The following FSTL5 variants were observed in gnomAD, a reference collection of about 807,000 sequenced individuals.
FSTL5 encodes follistatin-related protein 5.
A neutral mutation model predicts 89.1 loss-of-function variants in FSTL5; 62 were observed. The observed-to-expected ratio is 0.70, with a 90% CI of 0.57 to 0.86. The LOEUF (loss-of-function observed/expected upper bound fraction) is 0.86, where lower values mean the gene tolerates loss of function less well. Among genes scored for constraint, FSTL5 ranks in the 40% least tolerant of loss-of-function variants. The probability of loss-of-function intolerance (pLI) is 0.00; values close to 1 mark genes in which losing one functional copy is unlikely to be tolerated. For missense variants in FSTL5, 1,057 were observed against 1,001.6 expected (o/e 1.06, Z -0.75); for synonymous variants, 383 against 346.2 (o/e 1.11, Z -1.18).
chr4:161,452,050 ACCCTCTG>A (rs1189406769), intron 15 of FSTL5, among the ~76,000 whole-genome samples: 2 of 152,280 alleles, frequency 1.3e-5, no homozygotes, highest in East Asian at 3.9e-4. Context: ...CATGTTTCAG[ACCCTCTG>A]CCTGGCATGG....
At chr4:161,414,876 C>A (rs1250546202) in intron 15 of FSTL5, among the ~76,000 whole-genome samples, 1 of 152,152 alleles carries the variant, frequency 6.6e-6, no homozygotes, top group Admixed American at 6.5e-5. Flanking sequence ...GAGTCCTGGT[C>A]TCCTATGTCT....
At chr4:161,874,761 C>T (rs550665646) in intron 4 of FSTL5, among the ~76,000 whole-genome samples, 1 of 152,068 alleles carries the variant, frequency 6.6e-6, no homozygotes, top group Admixed American at 6.5e-5. Flanking sequence ...TTATAGTATG[C>T]ATCCCATAAA....
chr4:162,053,140 C>T (rs996507064), intron 2 of FSTL5, among the ~76,000 whole-genome samples: 4 of 151,668 alleles, frequency 2.6e-5, no homozygotes, highest in African/African-American at 9.7e-5. Flanking sequence ...TAGATTGATA[C>T]ACATTTATAA....
chr4:161,693,414 A>G (rs1427167040), intron 6 of FSTL5, among the ~76,000 whole-genome samples: 2 of 152,004 alleles, frequency 1.3e-5, no homozygotes, highest in Admixed American at 1.3e-4. Flanking sequence ...TTTTTCTTTT[A>G]AAGTTTGGGA....
intron 8 of FSTL5, among the ~76,000 whole-genome samples, chr4:161,545,681 A>G (rs942154931): frequency 2.0e-5 from 3 of 151,950 alleles, no homozygotes; most frequent in African/African-American, 4.8e-5. Context: ...CTTTCTCTGT[A>G]CTGGGTTACT....
At chr4:161,571,459 A>T (rs530055792) in intron 8 of FSTL5, among the ~76,000 whole-genome samples, 8 of 152,142 alleles carry the variant, frequency 5.3e-5, no homozygotes, top group African/African-American at 1.9e-4. Flanking sequence ...AGGAAAAAAA[A>T]GAAAAAAGTC....
chr4:161,798,158 G>C (rs1226690875), intron 4 of FSTL5, among the ~76,000 whole-genome samples: 1 of 151,620 alleles, frequency 6.6e-6, no homozygotes, highest in African/African-American at 2.4e-5. Flanking sequence ...TTTAATCATA[G>C]GTTCATAGAT....
At chr4:161,620,550 G>C (rs188690658) in intron 7 of FSTL5, among the ~76,000 whole-genome samples, 1 of 152,238 alleles carries the variant, frequency 6.6e-6, no homozygotes, top group East Asian at 1.9e-4. Flanking sequence ...CAGCTACTCG[G>C]GAAGCTGAGG....
intron 7 of FSTL5, among the ~76,000 whole-genome samples, chr4:161,590,279 C>T (rs1056568149): frequency 6.6e-6 from 1 of 152,164 alleles, no homozygotes; most frequent in Admixed American, 6.5e-5. Flanking sequence ...GTAGCTCACA[C>T]CTGTAATCCC....
At chr4:161,436,948 A>G (rs975641792) in intron 15 of FSTL5, among the ~76,000 whole-genome samples, 3 of 152,228 alleles carry the variant, frequency 2.0e-5, no homozygotes, top group Admixed American at 2.0e-4. Flanking sequence ...ATGCCAGGCA[A>G]TAAACTATGT....
chr4:161,523,054 G>A (rs774201150), intron 10 of FSTL5, among the ~76,000 whole-genome samples: 1 of 152,012 alleles, frequency 6.6e-6, no homozygotes, highest in Non-Finnish European at 1.5e-5. Flanking sequence ...ACATTGCCAA[G>A]TATTTTATAA....
At chr4:161,819,139 A>C (rs6829345) in intron 4 of FSTL5, among the ~76,000 whole-genome samples, 2 of 151,896 alleles carry the variant, frequency 1.3e-5, no homozygotes, top group South Asian at 4.1e-4. Context: ...TATTAACCTT[A>C]CTTTTCTACT....
intron 1 of FSTL5, among the ~76,000 whole-genome samples, chr4:162,142,649 A>G (rs1732793922): frequency 1.3e-5 from 2 of 152,172 alleles, no homozygotes; most frequent in African/African-American, 4.8e-5. Flanking sequence ...AAGAAAAAGA[A>G]TGGGGGACCC....
At chr4:162,028,171 A>C (rs1179108102) in intron 3 of FSTL5, among the ~76,000 whole-genome samples, 2 of 152,232 alleles carry the variant, frequency 1.3e-5, no homozygotes, top group Non-Finnish European at 2.9e-5. Context: ...TGAGGATTAT[A>C]AGTATTGAGT....
intron 4 of FSTL5, among the ~76,000 whole-genome samples, chr4:161,786,921 T>A (rs1265614570): frequency 6.6e-6 from 1 of 152,124 alleles, no homozygotes; most frequent in Non-Finnish European, 1.5e-5. Context: ...TATTTGACTT[T>A]TTTTATTCGC....
At chr4:161,508,532 G>A (rs1730552627) in intron 11 of FSTL5, among the ~76,000 whole-genome samples, 1 of 152,090 alleles carries the variant, frequency 6.6e-6, no homozygotes, top group African/African-American at 2.4e-5. Flanking sequence ...AATAATTACT[G>A]AGGGTATAAA....
intron 4 of FSTL5, among the ~76,000 whole-genome samples, chr4:161,861,383 C>A (rs185605063): frequency 2.6e-4 from 40 of 151,764 alleles, no homozygotes; most frequent in Admixed American, 2.0e-3. Context: ...AATAGCTCCA[C>A]TGCACTCCAG....
chr4:162,119,142 G>A (rs1196788867), intron 1 of FSTL5, among the ~76,000 whole-genome samples: 1 of 151,746 alleles, frequency 6.6e-6, no homozygotes, highest in East Asian at 2.0e-4. Flanking sequence ...TGGGTGGATT[G>A]CGTAAGCCCA....
rs138556323 is a variant in FSTL5 at position 161,953,657 on chromosome 4, C to T, written c.161-33005G>A. Among the ~76,000 whole-genome samples the T allele has an allele frequency of 3.5e-4, 53 of 151,648 alleles. 1 individual carries two copies. Among genetic ancestry groups the T allele is most frequent in the African/African-American group, 1.2e-3 (51 of 41,504 alleles). On this transcript the variant is annotated intron_variant, in intron 3 of 15. Coordinates refer to ENST00000306100, the MANE Select transcript of FSTL5 (RefSeq NM_020116.5). ...TTTTATATTATTTTAAATAAGATTA[C>T]ACAATTTTAGTTAGCCATAGAATTA...
Sources: allele counts gnomAD v4.1 joint callset (sites outside exome capture counted in the v4.1 genomes callset), GRCh38; gene constraint gnomAD v4.1.1; transcripts MANE v1.5; gene names NCBI Gene and HGNC (gene_info 2026-07-23, HGNC 2026-07-21).